The following ZNF618 variants were observed in gnomAD, a reference collection of about 807,000 sequenced individuals.
The protein encoded by ZNF618 is zinc finger protein 618.
In ZNF618, 34 loss-of-function variants were observed where a neutral mutation model predicts 103.0. That is an observed-to-expected ratio of 0.33 (90% CI 0.25 to 0.44). The LOEUF (loss-of-function observed/expected upper bound fraction) is 0.44. ZNF618 is among the 20% of genes least tolerant of loss of function. The probability of loss-of-function intolerance (pLI) is 1.00; values close to 1 mark genes in which losing one functional copy is unlikely to be tolerated. For missense variants in ZNF618, 1,059 were observed against 1,295.4 expected (o/e 0.82, Z 2.80); for synonymous variants, 551 against 542.2 (o/e 1.02, Z -0.23).
At position 114,055,174 on chromosome 9, in the gene ZNF618, G is replaced by C. The variant is rs1036227186; in HGVS notation, c.*5007G>C. On this transcript the variant is annotated 3_prime_UTR_variant, in exon 15 of 15. Transcript: ENST00000374126. ...TTCCTGTGGCGCTTCCTGAATTCCA[G>C]GTTGGCACAGATGATGAGGTCTGAG... The C allele has an allele frequency of 2.6e-5, 4 of 152,238 alleles. No homozygotes were observed. Among genetic ancestry groups the C allele is most frequent in the African/African-American group, 4.8e-5 (2 of 41,432 alleles). The allele number at this position is 152,238 out of a possible 1,614,324, so 9.4% of individuals were successfully genotyped here.
At chr9:113,960,245 G>A (rs1466787598) in intron 1 of ZNF618, among the ~76,000 whole-genome samples, 2 of 152,164 alleles carry the variant, frequency 1.3e-5, no homozygotes, top group Admixed American at 6.5e-5. Flanking sequence ...CTCTTCCCTG[G>A]AAGGGGACAG....
intron 1 of ZNF618, among the ~76,000 whole-genome samples, chr9:113,879,577 A>T (rs1196410362): frequency 6.6e-6 from 1 of 151,532 alleles, no homozygotes; most frequent in Non-Finnish European, 1.5e-5. Flanking sequence ...TGGACGTGTG[A>T]CCAGAAATGG....
Position 113,922,314 on chromosome 9 carries a change from T to G in ZNF618, c.33+45901T>G, listed in dbSNP as rs376158710. ...TGAGAGTTTTGATCTCACTGTGGAGTGGTTAGGTATGAAATGGAGGGCTGG... is the reference window on the plus strand; with the variant it reads ...TGAGAGTTTTGATCTCACTGTGGAGGGGTTAGGTATGAAATGGAGGGCTGG... On this transcript the variant is annotated intron_variant, in intron 1 of 14. Transcript: ENST00000374126. Among the ~76,000 whole-genome samples the G allele has an allele frequency of 1.3e-4, 20 of 151,442 alleles. No individual in the cohort carries two copies. The East Asian group carries it at 2.9e-3, about 22-fold the overall frequency.
intron 1 of ZNF618, among the ~76,000 whole-genome samples, chr9:113,902,730 G>A (rs982386643): frequency 3.3e-5 from 5 of 152,114 alleles, no homozygotes; most frequent in African/African-American, 9.7e-5. Context: ...TTTAATCAAC[G>A]CCCAGTATCC....
chr9:113,910,148 C>T (rs1046908455), intron 1 of ZNF618, among the ~76,000 whole-genome samples: 1 of 152,076 alleles, frequency 6.6e-6, no homozygotes, highest in African/African-American at 2.4e-5. Context: ...TACTAAATGG[C>T]TCTCCTAGAT....
intron 1 of ZNF618, among the ~76,000 whole-genome samples, chr9:113,968,763 T>C (rs923200597): frequency 6.6e-6 from 1 of 152,212 alleles, no homozygotes; most frequent in Non-Finnish European, 1.5e-5. Flanking sequence ...CTACAGCTAC[T>C]GTTTTATTGG....
chr9:114,041,804 C>T (rs1237657768), intron 13 of ZNF618, among the ~76,000 whole-genome samples: 1 of 152,180 alleles, frequency 6.6e-6, no homozygotes, highest in Non-Finnish European at 1.5e-5. Flanking sequence ...ATTGTCTTGG[C>T]AATGCGGGCT....
At chr9:113,919,064 G>GT (rs931867898) in intron 1 of ZNF618, among the ~76,000 whole-genome samples, 5 of 152,220 alleles carry the variant, frequency 3.3e-5, no homozygotes, top group Admixed American at 2.0e-4. Context: ...ATCTCCTCAC[G>GT]TTTTGTCCCT....
At chr9:113,925,442 T>C (rs930900550) in intron 1 of ZNF618, among the ~76,000 whole-genome samples, 6 of 148,724 alleles carry the variant, frequency 4.0e-5, no homozygotes, top group African/African-American at 1.5e-4. Context: ...GTTAGTTGGG[T>C]CTTTTTTTTT....
At chr9:113,885,578 G>C (rs1367729735) in intron 1 of ZNF618, among the ~76,000 whole-genome samples, 1 of 152,138 alleles carries the variant, frequency 6.6e-6, no homozygotes, top group Non-Finnish European at 1.5e-5. Flanking sequence ...TTTCCTGTTT[G>C]CATCTGTCCC....
chr9:113,973,434 T>G (rs1196878736), intron 2 of ZNF618, among the ~76,000 whole-genome samples: 2 of 152,088 alleles, frequency 1.3e-5, no homozygotes, highest in Non-Finnish European at 2.9e-5. Flanking sequence ...AACCCCAAAA[T>G]CAACAGCATG....
At chr9:113,973,978 T>C (rs1458672041) in intron 2 of ZNF618, among the ~76,000 whole-genome samples, 4 of 152,288 alleles carry the variant, frequency 2.6e-5, no homozygotes, top group Non-Finnish European at 5.9e-5. Context: ...TCAAATCTCA[T>C]CCATGCATTC....
At chr9:114,040,977 T>A (rs1186519596) in intron 13 of ZNF618, among the ~76,000 whole-genome samples, 15 of 147,268 alleles carry the variant, frequency 1.0e-4, no homozygotes, top group South Asian at 4.4e-4. Flanking sequence ...TTTCTCCACA[T>A]CCTCTCCAGC....
At chr9:114,033,389 A>AAGAGAGAGAGAGAG (rs10624141) in intron 12 of ZNF618, among the ~76,000 whole-genome samples, 1 of 147,060 alleles carries the variant, frequency 6.8e-6, no homozygotes, top group Non-Finnish European at 1.5e-5. Context: ...CTGTCTCAAA[A>AAGAGAGAGAGAGAG]AGAGAGAGAG....
intron 1 of ZNF618, among the ~76,000 whole-genome samples, chr9:113,892,710 A>AT (rs1318734525): frequency 7.2e-5 from 11 of 152,198 alleles, no homozygotes; most frequent in Admixed American, 3.9e-4. Flanking sequence ...CATTTCTTCT[A>AT]TTTTTTTATA....
chr9:113,896,597 C>CAT (rs1830060185), intron 1 of ZNF618, among the ~76,000 whole-genome samples: 1 of 152,000 alleles, frequency 6.6e-6, no homozygotes, highest in Non-Finnish European at 1.5e-5. Context: ...TCACACATTA[C>CAT]ATAAGCCACT....
intron 1 of ZNF618, among the ~76,000 whole-genome samples, chr9:113,888,042 T>C (rs1025148362): frequency 3.3e-5 from 5 of 149,280 alleles, no homozygotes; most frequent in African/African-American, 1.2e-4. Flanking sequence ...GTAGGGTTTG[T>C]TTTTTTTTTA....
At chr9:114,031,572 C>A (rs1055780355) in intron 11 of ZNF618, among the ~76,000 whole-genome samples, 14 of 152,162 alleles carry the variant, frequency 9.2e-5, no homozygotes, top group African/African-American at 2.4e-4. Flanking sequence ...GTGGCATTTC[C>A]CAAAGTGCAT....
At position 114,050,004 on chromosome 9, in the gene ZNF618, C is replaced by G; in HGVS notation, c.2702C>G (p.Thr901Arg). Residue 901 changes from threonine (T) to arginine (R), a missense_variant, in exon 15 of 15, where the codon ACA becomes AGA. Transcript: ENST00000374126. ...QYWSCVTQKH[T>R]KLAKLAFWLL... ...TGGTCGTGCGTTACCCAAAAGCACA[C>G]AAAACTCGCCAAGCTCGCCTTCTGG... The G allele has an allele frequency of 6.2e-7, 1 of 1,613,962 alleles. No homozygotes were observed. Among genetic ancestry groups the G allele is most frequent in the Non-Finnish European group, 8.5e-7 (1 of 1,179,890 alleles).
Sources: allele counts gnomAD v4.1 joint callset (sites outside exome capture counted in the v4.1 genomes callset), GRCh38; gene constraint gnomAD v4.1.1; transcripts MANE v1.5; gene names NCBI Gene and HGNC (gene_info 2026-07-23, HGNC 2026-07-21).